Variants in TRIM36 observed in about 807,000 individuals in gnomAD.
TRIM36 encodes the protein tripartite motif containing 36, also known as E3 ubiquitin-protein ligase TRIM36.
In TRIM36, 42 loss-of-function variants were observed where a neutral mutation model predicts 72.4. The observed-to-expected ratio is 0.58, with a 90% CI of 0.45 to 0.75. The LOEUF is 0.75. Among genes scored for constraint, TRIM36 ranks in the 30% least tolerant of loss-of-function variants. The probability of loss-of-function intolerance (pLI) is 0.00; values close to 1 mark genes in which losing one functional copy is unlikely to be tolerated. For synonymous variants in TRIM36, 315 were observed against 282.8 expected (o/e 1.11, Z -1.14); for missense variants, 913 against 857.1 (o/e 1.07, Z -0.81).
intron 1 of TRIM36, among the ~76,000 whole-genome samples, chr5:115,179,648 C>G (rs991478215): frequency 6.6e-6 from 1 of 152,244 alleles, no homozygotes; most frequent in Non-Finnish European, 1.5e-5. Flanking sequence ...GGGCAGCGCC[C>G]CCTTGGCCAA....
At chr5:115,137,315 T>A (rs202039132) in intron 6 of TRIM36, 48 bp downstream of exon 6, 583 of 1,560,840 alleles carry the variant, frequency 3.7e-4, no homozygotes, top group Non-Finnish European at 3.1e-4. Flanking sequence ...CAGCAGCATT[T>A]AATAACATTG....
intron 5 of TRIM36, among the ~76,000 whole-genome samples, 156 bp from the exon 6 acceptor site, chr5:115,137,772 A>C (rs1753041502): frequency 6.6e-6 from 1 of 152,230 alleles, no homozygotes; most frequent in African/African-American, 2.4e-5. Flanking sequence ...TAGATATTAT[A>C]AAGAAAAAAG....
At chr5:115,175,214 G>C (rs1418766645) in intron 1 of TRIM36, among the ~76,000 whole-genome samples, 1 of 151,100 alleles carries the variant, frequency 6.6e-6, no homozygotes, top group East Asian at 1.9e-4. Context: ...TATTTTATCT[G>C]TCAGCCCTAC....
Position 115,167,796 on chromosome 5 carries a change from G to A in TRIM36, c.27+1812C>T, listed in dbSNP as rs187699601. On this transcript the variant is annotated intron_variant, in intron 1 of 9. Coordinates refer to ENST00000513154, the MANE Select transcript of TRIM36 (RefSeq NM_001300759.2). Reference sequence around the variant, plus strand: ...CACATTGTTGGGTATCTTTACAGCAGTGCCCACTACCTTGGTACCAATTCT... The same window carrying A: ...CACATTGTTGGGTATCTTTACAGCAATGCCCACTACCTTGGTACCAATTCT... 7.3e-4 allele frequency among the ~76,000 whole-genome samples: 111 copies of A among 152,268 alleles called. 1 individual carries two copies. The highest frequency in any genetic ancestry group is 1.7e-3 in the South Asian group (8 of 4,826).
chr5:115,138,573 A>T lies in TRIM36; in HGVS notation c.832-957T>A, dbSNP rs537061473. On this transcript the variant is annotated intron_variant, in intron 5 of 9. Coordinates refer to ENST00000513154, the MANE Select transcript of TRIM36 (RefSeq NM_001300759.2). ...TTTTTCTCTTCTGAAAATAGGGGAT[A>T]AGAAAAACCATTTAGGTTTTTGTGA... Among the ~76,000 whole-genome samples, 3 of 152,344 alleles carry T rather than the reference A, an allele frequency of 2.0e-5. No homozygotes were observed. The East Asian group carries it at 5.8e-4, about 29-fold the overall frequency.
Position 115,144,622 on chromosome 5 carries a change from C to T in TRIM36, c.711G>A (p.Met237Ile). The change falls in exon 4 of 10, where the codon ATG (methionine) becomes ATA (isoleucine). Residue 237 changes from methionine to isoleucine, a missense_variant. Physicochemically the swap from Met to Ile is conservative, Grantham distance 10 (BLOSUM62 1). Coordinates refer to ENST00000513154, the MANE Select transcript of TRIM36 (RefSeq NM_001300759.2). Reference sequence around the variant, plus strand: ...CCTTTAAGGTTTTGTAGGCACTGCTCATAGTGGTTACACGGTGGTTGGCAT... The same window carrying T: ...CCTTTAAGGTTTTGTAGGCACTGCTTATAGTGGTTACACGGTGGTTGGCAT... ...GNHANHRVTTMSSAYKTLKEK... is the reference protein window; with the variant it reads ...GNHANHRVTTISSAYKTLKEK... 1 of 1,613,980 alleles carries T rather than the reference C, an allele frequency of 6.2e-7. No individual in the cohort carries two copies. Among genetic ancestry groups the T allele is most frequent in the East Asian group, 2.2e-5 (1 of 44,866 alleles).
chr5:115,160,515 C>T (rs545944547), intron 2 of TRIM36, among the ~76,000 whole-genome samples: 69 of 152,180 alleles, frequency 4.5e-4, no homozygotes, highest in Admixed American at 7.2e-4. Context: ...CTGGACAATC[C>T]GGGTTTAATT....
At chr5:115,168,091 C>A (rs764720777) in intron 1 of TRIM36, among the ~76,000 whole-genome samples, 7 of 152,164 alleles carry the variant, frequency 4.6e-5, no homozygotes, top group Non-Finnish European at 1.0e-4. Context: ...ACGATCCAAT[C>A]ACCTCCCACC....
Position 115,125,298 on chromosome 5 carries a change from C to T in TRIM36, c.*1205G>A, listed in dbSNP as rs1752320723. 6.6e-6 allele frequency: 1 copy of T among 152,074 alleles called. No individual in the cohort carries two copies. The highest frequency in any genetic ancestry group is 1.5e-5 in the Non-Finnish European group (1 of 67,944). 9.4% of individuals were successfully genotyped at this position (152,074 alleles called of 1,614,324 possible). On this transcript the variant is annotated 3_prime_UTR_variant, in exon 10 of 10. Transcript: ENST00000513154. ...ATAAAAACCACCTACTTGAAAGCAA[C>T]ACCTTTCAAAAACAGACACACAATT...
Position 115,169,767 on chromosome 5 carries a change from T to C in TRIM36, c.-133A>G, listed in dbSNP as rs948234200. ...AGCTGGAAGATGAGCTGGTCAGCTG[T>C]ACGTGGCCAGCGGACCGACGCGGGG... On this transcript the variant is annotated 5_prime_UTR_variant, in exon 1 of 10. Transcript: ENST00000513154. 30 of 1,341,814 alleles carry C rather than the reference T, an allele frequency of 2.2e-5. No individual in the cohort carries two copies. The East Asian group carries it at 9.1e-4, about 41-fold the overall frequency. The allele number at this position is 1,341,814 out of a possible 1,614,324, so 83.1% of individuals were successfully genotyped here. A position where few individuals can be genotyped will look rare whatever the true frequency, so the allele number is the denominator to read the frequency against.
At chr5:115,177,714 C>T (rs1755399555) in intron 1 of TRIM36, 1 of 1,613,850 alleles carries the variant, frequency 6.2e-7, no homozygotes, top group Middle Eastern at 1.7e-4. Flanking sequence ...CCAACTCTCC[C>T]CCTCCAACCC....
In TRIM36 at chr5:115,137,412, C is replaced by G; in HGVS notation, c.1036G>C (p.Glu346Gln). 6.2e-7 allele frequency: 1 copy of G among 1,614,024 alleles called. No individual in the cohort carries two copies. Among genetic ancestry groups the G allele is most frequent in the Non-Finnish European group, 8.5e-7 (1 of 1,179,972 alleles). Residue 346 changes from glutamate to glutamine, a missense_variant, in exon 6 of 10, where the codon GAG becomes CAG. Transcript: ENST00000513154. ...TGCACAAAGCAAGACTGATCTGTCT[C>G]CTTTAGCACTTCTTGAGCATATCCC... ...LVGYAQEVLK[E>Q]TDQSCFVQTA... is the part of the protein sequence containing the mutation.
intron 3 of TRIM36, 93 bp from the exon 4 acceptor site, chr5:115,144,837 C>T: frequency 7.4e-7 from 1 of 1,349,268 alleles, no homozygotes; most frequent in Non-Finnish European, 1.0e-6. Flanking sequence ...TATAAAATCA[C>T]TAAATAAAGC....
In TRIM36 at chr5:115,169,620, G is replaced by T; in HGVS notation, c.15C>A (p.Gly5=). 6.6e-7 allele frequency: 1 copy of T among 1,524,086 alleles called. No homozygotes were observed. The highest frequency in any genetic ancestry group is 8.8e-7 in the Non-Finnish European group (1 of 1,141,740). The allele number at this position is 1,524,086 out of a possible 1,614,324, so 94.4% of individuals were successfully genotyped here. Residue 5 remains glycine, a synonymous_variant, in exon 1 of 10, where the codon GGC becomes GGA. Transcript: ENST00000513154. ...CCTCCGCACTCACCGGCGAATCTGA[G>T]CCATCGCCCTCCATGGCTGCCTTCT... MEGD[G]SDSPVTIKNI...
intron 2 of TRIM36, among the ~76,000 whole-genome samples, chr5:115,152,323 GAAGAAAGAAT>G (rs1202774292): frequency 6.6e-6 from 1 of 152,110 alleles, no homozygotes; most frequent in Admixed American, 6.5e-5. Context: ...CAAAGACAAA[GAAGAAAGAAT>G]AAGAAAATAT....
intron 2 of TRIM36, among the ~76,000 whole-genome samples, chr5:115,159,008 A>G (rs1019387795): frequency 6.6e-6 from 1 of 152,218 alleles, no homozygotes; most frequent in Non-Finnish European, 1.5e-5. Flanking sequence ...AAAGCAGTCA[A>G]TGTTATTTTT....
chr5:115,125,803 G>T lies in TRIM36; in HGVS notation c.*700C>A, dbSNP rs1015599250. The T allele has an allele frequency of 1.3e-5, 2 of 152,082 alleles. No individual in the cohort carries two copies. The highest frequency in any genetic ancestry group is 2.9e-5 in the Non-Finnish European group (2 of 67,946). 9.4% of individuals were successfully genotyped at this position (152,082 alleles called of 1,614,324 possible). A position where few individuals can be genotyped will look rare whatever the true frequency, so the allele number is the denominator to read the frequency against. On this transcript the variant is annotated 3_prime_UTR_variant, in exon 10 of 10. Transcript: ENST00000513154. ...GTTAGCTGAGAACTTTGTGTTTTCT[G>T]CAAGAAACCATGCTTACTACCCATG...
At chr5:115,163,480 C>CA in intron 2 of TRIM36, 38 bp downstream of exon 2, 1 of 1,551,462 alleles carries the variant, frequency 6.4e-7, no homozygotes, top group Non-Finnish European at 8.9e-7. Flanking sequence ...TATAAGCTTA[C>CA]CCCCACTACC....
chr5:115,167,091 G>A (rs1754820422), intron 1 of TRIM36, among the ~76,000 whole-genome samples: 1 of 152,248 alleles, frequency 6.6e-6, no homozygotes, highest in African/African-American at 2.4e-5. Context: ...CAGTGGGCCT[G>A]AGCAAAACTT....
Sources: allele counts gnomAD v4.1 joint callset (sites outside exome capture counted in the v4.1 genomes callset), GRCh38; gene constraint gnomAD v4.1.1; transcripts MANE v1.5; gene names NCBI Gene and HGNC (gene_info 2026-07-23, HGNC 2026-07-21).